The following NFIB variants were observed in gnomAD, a reference collection of about 807,000 sequenced individuals.
The protein encoded by NFIB is nuclear factor 1 B-type.
A neutral mutation model predicts 61.5 loss-of-function variants in NFIB; 11 were observed. The ratio of observed to expected loss-of-function variants is 0.18; its 90% confidence interval spans 0.11 to 0.30. NFIB has a LOEUF of 0.30. NFIB is among the 10% of genes least tolerant of loss of function. The pLI, the probability that NFIB is intolerant of heterozygous loss-of-function variation, is 1.00. For missense variants in NFIB, 471 were observed against 608.9 expected, an observed-to-expected ratio of 0.77 and a Z score of 2.38; for synonymous variants, 260 against 216.5, an observed-to-expected ratio of 1.20 and a Z score of -1.76.
At chr9:14,383,056 A>C (rs1366576078) in intron 1 of NFIB, among the ~76,000 whole-genome samples, 1 of 149,154 alleles carries the variant, frequency 6.7e-6, no homozygotes, top group Admixed American at 6.8e-5. Context: ...CTCTTAAGAG[A>C]AGGATTATTA....
At chr9:14,380,449 C>A (rs1414430790) in intron 1 of NFIB, among the ~76,000 whole-genome samples, 1 of 152,152 alleles carries the variant, frequency 6.6e-6, no homozygotes, top group Non-Finnish European at 1.5e-5. Context: ...CAGGTTAAAA[C>A]TAAAGGGAAA....
the NFIB span, among the ~76,000 whole-genome samples, chr9:14,488,718 T>C: frequency 6.6e-6 from 1 of 152,334 alleles, no homozygotes; most frequent in African/African-American, 2.4e-5. Context: ...TGCTGGTCTA[T>C]GGGACAACAT....
At chr9:14,314,160 G>T, upstream of NFIB, 1 of 976,862 alleles carries the variant, frequency 1.0e-6, no homozygotes, top group Non-Finnish European at 1.2e-6. Context: ...GGCGGGGCGC[G>T]CGCGGGAGAG....
At chr9:14,497,096 T>C in the NFIB span, among the ~76,000 whole-genome samples, 21 of 152,362 alleles carry the variant, frequency 1.4e-4, no homozygotes, top group Middle Eastern at 3.4e-3. Flanking sequence ...CAAGCTGTAC[T>C]ACTTGAATAG....
chr9:14,458,315 T>G, the NFIB span, among the ~76,000 whole-genome samples: 1 of 152,128 alleles, frequency 6.6e-6, no homozygotes, highest in African/African-American at 2.4e-5. Context: ...AAAATTCAAC[T>G]GCCCTTCATG....
chr9:14,502,365 G>C, the NFIB span, among the ~76,000 whole-genome samples: 2 of 152,194 alleles, frequency 1.3e-5, no homozygotes, highest in African/African-American at 4.8e-5. Context: ...ATAAGGGATT[G>C]AGGTGAGAGT....
chr9:14,479,386 G>T, the NFIB span, among the ~76,000 whole-genome samples: 2 of 152,166 alleles, frequency 1.3e-5, no homozygotes, highest in African/African-American at 2.4e-5. Context: ...ACAGCTGTGG[G>T]TTTCACAGAG....
intron 10 of NFIB, among the ~76,000 whole-genome samples, chr9:14,104,342 A>G (rs1480606154): frequency 6.6e-6 from 1 of 152,196 alleles, no homozygotes; most frequent in Non-Finnish European, 1.5e-5. Flanking sequence ...AGCGGGAAGC[A>G]ATATGGCAAG....
chr9:14,151,849 G>C lies in NFIB; in HGVS notation c.686-1584C>G, dbSNP rs535105043. 6.6e-5 allele frequency among the ~76,000 whole-genome samples: 10 copies of C among 152,182 alleles called. No homozygotes were observed. In the South Asian group the frequency reaches 2.1e-3, roughly 32 times the overall value. The stretch of plus-strand genomic sequence containing the variant: ...TTTGCAACAAAATTCTAGAGCCCCT[G>C]AGATGCACTCTAAGCATACGTGGTC... On this transcript the variant is annotated intron_variant, in intron 4 of 10. Coordinates refer to ENST00000380953, the MANE Select transcript of NFIB (RefSeq NM_001190737.2).
At chr9:14,331,449 C>A (rs1203995746) in intron 1 of NFIB, among the ~76,000 whole-genome samples, 1 of 152,196 alleles carries the variant, frequency 6.6e-6, no homozygotes, top group East Asian at 1.9e-4. Context: ...CAGGCACATT[C>A]TTCTAAATAT....
chr9:14,305,153 A>G (rs929693404), intron 2 of NFIB, among the ~76,000 whole-genome samples: 2 of 152,100 alleles, frequency 1.3e-5, no homozygotes, highest in African/African-American at 4.8e-5. Flanking sequence ...TCTTTTTTCA[A>G]TCTATCTCTA....
At chr9:14,194,678 T>C (rs1248014000) in intron 2 of NFIB, among the ~76,000 whole-genome samples, 1 of 152,084 alleles carries the variant, frequency 6.6e-6, no homozygotes. Context: ...AAAGCCAAGA[T>C]AAAACAAATG....
chr9:14,461,095 C>A, the NFIB span, among the ~76,000 whole-genome samples: 1 of 152,124 alleles, frequency 6.6e-6, no homozygotes, highest in Non-Finnish European at 1.5e-5. Flanking sequence ...TAAGCTCAAT[C>A]TTCTCCACAG....
chr9:14,221,673 G>A (rs1357305829), intron 2 of NFIB, among the ~76,000 whole-genome samples: 2 of 152,136 alleles, frequency 1.3e-5, no homozygotes, highest in African/African-American at 4.8e-5. Flanking sequence ...TTAACAGCCA[G>A]GGTAAGACCC....
chr9:14,106,518 T>G (rs1221148028), intron 10 of NFIB, among the ~76,000 whole-genome samples: 2 of 152,088 alleles, frequency 1.3e-5, no homozygotes, highest in Admixed American at 6.6e-5. Context: ...TGGAGTTCTG[T>G]GGTCTCTGGA....
intron 10 of NFIB, among the ~76,000 whole-genome samples, chr9:14,110,248 G>C (rs1333110367): frequency 6.6e-6 from 1 of 151,860 alleles, no homozygotes; most frequent in Non-Finnish European, 1.5e-5. Flanking sequence ...ATTTATGTAG[G>C]CTCTATTAAA....
the NFIB span, among the ~76,000 whole-genome samples, chr9:14,425,124 C>T: frequency 6.6e-6 from 1 of 152,296 alleles, no homozygotes; most frequent in East Asian, 1.9e-4. Flanking sequence ...TTTTACTGCT[C>T]AGCTCTAGGC....
At chr9:14,236,124 TA>T (rs1416636663) in intron 2 of NFIB, among the ~76,000 whole-genome samples, 1 of 152,164 alleles carries the variant, frequency 6.6e-6, no homozygotes, top group African/African-American at 2.4e-5. Context: ...CAAAGCCCCT[TA>T]ACAAAGACAT....
At chr9:14,286,846 A>G (rs1236939782) in intron 2 of NFIB, among the ~76,000 whole-genome samples, 1 of 152,214 alleles carries the variant, frequency 6.6e-6, no homozygotes, top group African/African-American at 2.4e-5. Context: ...CAAACTGAGA[A>G]AGATTTCTTT....
Sources: gnomAD v4.1 joint callset for allele counts (sites outside exome capture counted in the v4.1 genomes callset) on GRCh38, gnomAD v4.1.1 for gene constraint, MANE v1.5 for transcripts, NCBI Gene and HGNC (gene_info 2026-07-23, HGNC 2026-07-21) for gene names.